The following PRPF18 variants were observed in gnomAD, a reference collection of about 807,000 sequenced individuals.
PRPF18 encodes the protein pre-mRNA-splicing factor 18.
In PRPF18, 38 loss-of-function variants were observed where a neutral mutation model predicts 46.5. The observed-to-expected ratio is 0.82, with a 90% CI of 0.63 to 1.07. The LOEUF is 1.07. PRPF18 is among the 50% of genes least tolerant of loss of function. The pLI is 0.00. For synonymous variants in PRPF18, 152 were observed against 146.7 expected, an observed-to-expected ratio of 1.04 and a Z score of -0.26; for missense variants, 263 against 410.0, an observed-to-expected ratio of 0.64 and a Z score of 3.10.
intron 9 of PRPF18, among the ~76,000 whole-genome samples, chr10:13,628,430 G>T (rs2080542566): frequency 6.6e-6 from 1 of 152,116 alleles, no homozygotes. Flanking sequence ...CATAGTATTT[G>T]CATATAATCT....
intron 6 of PRPF18, among the ~76,000 whole-genome samples, chr10:13,613,227 G>T (rs1168015084): frequency 2.0e-5 from 3 of 151,938 alleles, no homozygotes; most frequent in Admixed American, 2.0e-4. Flanking sequence ...AACCCAAGGG[G>T]CACTGAGGTA....
the PRPF18 span, chr10:13,645,126 G>A: frequency 6.6e-6 from 1 of 152,188 alleles, no homozygotes; most frequent in Admixed American, 6.5e-5. Context: ...TGCAGCAGAA[G>A]GAATACCTTG....
At chr10:13,651,911 A>G in the PRPF18 span, 25 of 1,551,934 alleles carry the variant, frequency 1.6e-5, no homozygotes, top group Non-Finnish European at 2.0e-5. Context: ...ACCTCTATTC[A>G]TCAGTACTTT....
At chr10:13,646,936 C>G in the PRPF18 span, 5 of 963,316 alleles carry the variant, frequency 5.2e-6, no homozygotes, top group Admixed American at 6.2e-5. Flanking sequence ...GGCTGGCTCA[C>G]ACGAGGGTCC....
chr10:13,591,305 C>T (rs1344087397), intron 1 of PRPF18, among the ~76,000 whole-genome samples: 5 of 152,326 alleles, frequency 3.3e-5, no homozygotes, highest in East Asian at 1.9e-4. Context: ...TTCACTGCCC[C>T]GTTCATAGCA....
chr10:13,623,144 T>G (rs1204525865), intron 9 of PRPF18, among the ~76,000 whole-genome samples: 1 of 151,824 alleles, frequency 6.6e-6, no homozygotes, highest in Non-Finnish European at 1.5e-5. Context: ...GAGGTTGCAG[T>G]GAGCCGAGAT....
intron 1 of PRPF18, among the ~76,000 whole-genome samples, chr10:13,590,863 G>T (rs554239870): frequency 6.6e-6 from 1 of 152,174 alleles, no homozygotes; most frequent in Non-Finnish European, 1.5e-5. Flanking sequence ...TGTACAGATA[G>T]AATGGATATT....
At chr10:13,604,733 A>T (rs1014421697) in intron 3 of PRPF18, among the ~76,000 whole-genome samples, 13 of 152,250 alleles carry the variant, frequency 8.5e-5, no homozygotes, top group African/African-American at 2.9e-4. Context: ...ATGGTTACTT[A>T]AGGTGTGATG....
the PRPF18 span, chr10:13,646,961 TC>T: frequency 2.0e-6 from 2 of 983,864 alleles, no homozygotes; most frequent in Non-Finnish European, 1.2e-6. Flanking sequence ...CTTGGCTTTT[TC>T]CTGCCCGTAC....
Position 13,600,239 on chromosome 10 carries a change from T to G in PRPF18, c.145-5T>G. 6.3e-7 allele frequency: 1 copy of G among 1,596,146 alleles called. No homozygotes were observed. ...GAATTTCATTTCTTTTGGCTATTAATATAGATACAGCCAAAAGAGGAGGAC... is the reference window on the plus strand; with the variant it reads ...GAATTTCATTTCTTTTGGCTATTAAGATAGATACAGCCAAAAGAGGAGGAC... On this transcript the variant is annotated splice_polypyrimidine_tract_variant and splice_region_variant and intron_variant, in intron 2 of 9. Transcript: ENST00000378572.
chr10:13,592,386 T>G, intron 1 of PRPF18: 1 of 243,216 alleles, frequency 4.1e-6, no homozygotes, highest in Non-Finnish European at 8.0e-6. Flanking sequence ...GGGTCAGGGA[T>G]CAGTAGATTG....
At chr10:13,611,440 G>A (rs1013200121) in intron 5 of PRPF18, among the ~76,000 whole-genome samples, 175 bp from the exon 6 acceptor site, 3 of 152,164 alleles carry the variant, frequency 2.0e-5, no homozygotes, top group Non-Finnish European at 2.9e-5. Context: ...CCAAATTTAA[G>A]TGGCAAATCC....
the PRPF18 span, among the ~76,000 whole-genome samples, chr10:13,637,488 C>G: frequency 3.9e-5 from 6 of 152,116 alleles, no homozygotes; most frequent in Admixed American, 3.9e-4. Flanking sequence ...TTGTGAAGCT[C>G]CTGTTCAATG....
At chr10:13,596,964 G>A (rs2080043866) in intron 1 of PRPF18, among the ~76,000 whole-genome samples, 1 of 152,098 alleles carries the variant, frequency 6.6e-6, no homozygotes, top group Non-Finnish European at 1.5e-5. Flanking sequence ...TTTAAGAACT[G>A]ATTGATATAA....
the PRPF18 span, chr10:13,644,493 T>C: frequency 2.6e-5 from 4 of 152,372 alleles, no homozygotes; most frequent in South Asian, 4.1e-4. Flanking sequence ...ATGATGTTTG[T>C]TGGAACTGTA....
chr10:13,603,580 G>A (rs1241658836), intron 3 of PRPF18, among the ~76,000 whole-genome samples: 1 of 152,022 alleles, frequency 6.6e-6, no homozygotes, highest in African/African-American at 2.4e-5. Flanking sequence ...TTTTTCTGTC[G>A]AGGTTGTTTT....
At chr10:13,590,639 TACTG>T (rs374419626) in intron 1 of PRPF18, among the ~76,000 whole-genome samples, 9,903 of 144,946 alleles carry the variant, frequency 0.068, 361 homozygotes, top group African/African-American at 0.084. Flanking sequence ...AAAAAAAAAA[TACTG>T]ACATTCATAG....
Position 13,587,576 on chromosome 10 carries a change from T to G in PRPF18, c.66+424T>G, listed in dbSNP as rs146886930. Among the ~76,000 whole-genome samples the G allele has an allele frequency of 2.7e-3, 406 of 152,360 alleles. 3 individuals are homozygous for G. Among genetic ancestry groups the G allele is most frequent in the Non-Finnish European group, 4.1e-3 (279 of 68,030 alleles). On this transcript the variant is annotated intron_variant, in intron 1 of 9. Transcript: ENST00000378572. The stretch of plus-strand genomic sequence containing the variant: ...TCTCAGATGGGAAGGGAACGTGCCC[T>G]GCATTGGCCGTGGGCCAATCACGGG...
chr10:13,594,401 T>C (rs1389718303), intron 1 of PRPF18, among the ~76,000 whole-genome samples: 5 of 152,194 alleles, frequency 3.3e-5, no homozygotes, highest in Admixed American at 2.0e-4. Flanking sequence ...TTTCAGATAA[T>C]TGTGGATATT....
Sources: gnomAD v4.1 joint callset for allele counts (sites outside exome capture counted in the v4.1 genomes callset) on GRCh38, gnomAD v4.1.1 for gene constraint, MANE v1.5 for transcripts, NCBI Gene and HGNC (gene_info 2026-07-23, HGNC 2026-07-21) for gene names.